The following JMY variants were observed in gnomAD, a reference collection of about 807,000 sequenced individuals.
JMY encodes junction mediating and regulatory protein, p53 cofactor, also known as junction-mediating and -regulatory protein.
Under a neutral mutation model 103.3 loss-of-function variants are expected in JMY, and 46 were observed. The observed-to-expected ratio is 0.45, with a 90% CI of 0.35 to 0.57. The LOEUF (loss-of-function observed/expected upper bound fraction) is 0.57, where lower values mean the gene tolerates loss of function less well. JMY is among the 20% of genes least tolerant of loss of function. The pLI is 0.00. For synonymous variants in JMY, 526 were observed against 489.3 expected, an observed-to-expected ratio of 1.07 and a Z score of -0.99; for missense variants, 1,238 against 1,255.2, an observed-to-expected ratio of 0.99 and a Z score of 0.21.
chr5:79,313,045 T>C (rs1234726789), intron 8 of JMY, among the ~76,000 whole-genome samples: 1 of 152,138 alleles, frequency 6.6e-6, no homozygotes, highest in Admixed American at 6.5e-5. Flanking sequence ...GGAGCCTTAC[T>C]TCAGTTATGC....
chr5:79,300,427 G>C (rs78943714), intron 5 of JMY, 109 bp downstream of exon 5: 3 of 1,138,116 alleles, frequency 2.6e-6, no homozygotes, highest in Non-Finnish European at 3.7e-6. Context: ...ATTGTTTTCT[G>C]TAGGGATAGA....
chr5:79,315,099 T>C (rs1270629720), intron 9 of JMY, among the ~76,000 whole-genome samples: 1 of 152,166 alleles, frequency 6.6e-6, no homozygotes, highest in African/African-American at 2.4e-5. Flanking sequence ...TTTGGTAATG[T>C]ATAATGGGTG....
chr5:79,317,076 T>A (rs1463883677), intron 10 of JMY, among the ~76,000 whole-genome samples: 1 of 149,442 alleles, frequency 6.7e-6, no homozygotes, highest in Non-Finnish European at 1.5e-5. Flanking sequence ...TTTTTTTTAA[T>A]GCAAAGCCTT....
In JMY at chr5:79,237,222, A is replaced by G; in HGVS notation, c.572A>G (p.Glu191Gly). 1 of 1,550,534 alleles carries G rather than the reference A, an allele frequency of 6.4e-7. No individual in the cohort carries two copies. The highest frequency in any genetic ancestry group is 8.7e-7 in the Non-Finnish European group (1 of 1,146,916). Residue 191 changes from glutamate (E) to glycine (G), a missense_variant, in exon 1 of 11, where the codon GAG becomes GGG. Physicochemically the swap from Glu to Gly is moderately conservative, Grantham distance 98. Transcript: ENST00000396137. The stretch of plus-strand genomic sequence containing the variant: ...GTGAGCGCCTCTGGGACGGTCTCCG[A>G]GGAGATAGAGGTGCTGGAAATGGTG... ...RIVSASGTVS[E>G]EIEVLEMVKE...
chr5:79,297,075 A>G (rs1178845637), intron 4 of JMY, among the ~76,000 whole-genome samples: 1 of 152,088 alleles, frequency 6.6e-6, no homozygotes, highest in Non-Finnish European at 1.5e-5. Flanking sequence ...TGGGCTGGTA[A>G]TCCCTAATTT....
intron 10 of JMY, among the ~76,000 whole-genome samples, chr5:79,318,771 G>C (rs1197377487): frequency 0.024 from 629 of 26,244 alleles, 6 homozygotes; most frequent in Non-Finnish European, 0.03. Flanking sequence ...TAGAGAGAGA[G>C]AGAGAGAGAG....
In JMY at chr5:79,312,460, A is replaced by G; in HGVS notation, c.2026A>G (p.Arg676Gly). Residue 676 changes from arginine (R) to glycine (G), a missense_variant, in exon 8 of 11, where the codon AGA becomes GGA. Physicochemically the swap from Arg to Gly is moderately radical, Grantham distance 125. Coordinates refer to ENST00000396137, the MANE Select transcript of JMY (RefSeq NM_152405.5). Reference sequence around the variant, plus strand: ...AAAAAGTGCCTGGGTTAGCCAAGAGAGACAGAGAACACTGGATAGACTTCG... The same window carrying G: ...AAAAAGTGCCTGGGTTAGCCAAGAGGGACAGAGAACACTGGATAGACTTCG... ...ERKSAWVSQERQRTLDRLRTF... is the reference protein window; with the variant it reads ...ERKSAWVSQEGQRTLDRLRTF... The G allele has an allele frequency of 6.9e-6, 11 of 1,586,194 alleles. No homozygotes were observed. Among genetic ancestry groups the G allele is most frequent in the Non-Finnish European group, 9.4e-6 (11 of 1,169,010 alleles).
chr5:79,251,081 G>A lies in JMY; in HGVS notation c.1032+13399G>A, dbSNP rs143268682. ...TTGTATATGCTGATTTTTTTAACAA[G>A]CCAATTTATTTGACTGTGGAGGGTG... On this transcript the variant is annotated intron_variant, in intron 1 of 10. Coordinates refer to ENST00000396137, the MANE Select transcript of JMY (RefSeq NM_152405.5). Among the ~76,000 whole-genome samples, 16 of 152,046 alleles carry A rather than the reference G, an allele frequency of 1.1e-4. No individual in the cohort carries two copies. In the South Asian group the frequency reaches 1.7e-3, roughly 16 times the overall value.
At chr5:79,301,463 A>T (rs576044812) in intron 6 of JMY, among the ~76,000 whole-genome samples, 22 of 152,334 alleles carry the variant, frequency 1.4e-4, no homozygotes, top group African/African-American at 5.1e-4. Flanking sequence ...AAAGTATGTC[A>T]TGTTCTCTGA....
At chr5:79,281,972 G>A (rs1030279801) in intron 2 of JMY, among the ~76,000 whole-genome samples, 3 of 152,124 alleles carry the variant, frequency 2.0e-5, no homozygotes, top group African/African-American at 7.2e-5. Flanking sequence ...TTGGGAGGCC[G>A]AGGCGGGCGG....
rs1036160163 is a variant in JMY at position 79,324,005 on chromosome 5, C to A, written c.*2403C>A. The A allele has an allele frequency of 6.6e-6, 1 of 152,216 alleles. No individual in the cohort carries two copies. The highest frequency in any genetic ancestry group is 2.1e-4 in the South Asian group (1 of 4,832). 9.4% of individuals were successfully genotyped at this position (152,216 alleles called of 1,614,324 possible). A position where few individuals can be genotyped will look rare whatever the true frequency, so the allele number is the denominator to read the frequency against. ...CATCCTCTTGTAAATAACTTTCCAA[C>A]ACACCCATTTCCTTGCCTTAAGGTG... On this transcript the variant is annotated 3_prime_UTR_variant, in exon 11 of 11. Coordinates refer to ENST00000396137, the MANE Select transcript of JMY (RefSeq NM_152405.5).
chr5:79,239,602 C>G (rs1317971869), intron 1 of JMY, among the ~76,000 whole-genome samples: 2 of 152,052 alleles, frequency 1.3e-5, no homozygotes, highest in Admixed American at 1.3e-4. Context: ...GTCAGGAGAT[C>G]GAGACCATCC....
rs1215472951 is a variant in JMY at position 79,291,179 on chromosome 5, A to G, written c.1407A>G (p.Ser469=). The G allele has an allele frequency of 1.2e-6, 2 of 1,612,462 alleles. No individual in the cohort carries two copies. Among genetic ancestry groups the G allele is most frequent in the Non-Finnish European group, 1.7e-6 (2 of 1,179,412 alleles). The part of the protein sequence containing the change: ...RADQKKFGKA[S]WAAAAERMEK... ...ATCAGAAGAAATTTGGTAAAGCATC[A>G]TGGGCAGCGGCTGCTGAACGGATGG... The change falls in exon 4 of 11, where the codon TCA becomes TCG. Residue 469 remains serine, a synonymous_variant. Transcript: ENST00000396137.
chr5:79,247,630 C>G (rs1053612117), intron 1 of JMY, among the ~76,000 whole-genome samples: 1 of 151,620 alleles, frequency 6.6e-6, no homozygotes, highest in Non-Finnish European at 1.5e-5. Context: ...GCTATCACTT[C>G]TATTTCCTTT....
chr5:79,270,723 T>C (rs1410613055), intron 1 of JMY, among the ~76,000 whole-genome samples: 5 of 147,190 alleles, frequency 3.4e-5, no homozygotes, highest in Non-Finnish European at 7.5e-5. Flanking sequence ...TTATTATAAA[T>C]ATATATACAC....
At chr5:79,296,724 G>C (rs1317888439) in intron 4 of JMY, among the ~76,000 whole-genome samples, 2 of 152,206 alleles carry the variant, frequency 1.3e-5, no homozygotes, top group East Asian at 1.9e-4. Context: ...TGGATGCTCA[G>C]TGAGTATTTT....
chr5:79,261,172 C>T (rs1580337692), intron 1 of JMY, among the ~76,000 whole-genome samples: 1 of 152,138 alleles, frequency 6.6e-6, no homozygotes, highest in Non-Finnish European at 1.5e-5. Flanking sequence ...TACATGCTTC[C>T]GCCATATTTT....
intron 2 of JMY, among the ~76,000 whole-genome samples, chr5:79,280,066 A>G (rs1458765259): frequency 6.6e-6 from 1 of 151,818 alleles, no homozygotes; most frequent in Non-Finnish European, 1.5e-5. Flanking sequence ...CTGGTCCAGA[A>G]CTCTTGAACT....
Position 79,300,703 on chromosome 5 carries a change from A to G in JMY, c.1721A>G (p.Asp574Gly). Residue 574 changes from aspartate (D) to glycine (G), a missense_variant, in exon 6 of 11, where the codon GAC becomes GGC. By Grantham distance (94) the Asp-to-Gly change is moderately conservative. Transcript: ENST00000396137. ...SEKRDEVVYYDTYESMEAMLE... is the reference protein window; with the variant it reads ...SEKRDEVVYYGTYESMEAMLE... ...AAAAGAGATGAAGTGGTATACTATG[A>G]CACTTACGAAAGCATGGAGGCCATG... The G allele has an allele frequency of 1.2e-6, 2 of 1,608,182 alleles. No individual in the cohort carries two copies. Among genetic ancestry groups the G allele is most frequent in the Non-Finnish European group, 1.7e-6 (2 of 1,178,492 alleles).
Sources: allele counts gnomAD v4.1 joint callset (sites outside exome capture counted in the v4.1 genomes callset), GRCh38; gene constraint gnomAD v4.1.1; transcripts MANE v1.5; gene names NCBI Gene and HGNC (gene_info 2026-07-23, HGNC 2026-07-21).